ZBTB7C: variants seen among roughly 807,000 people sequenced by gnomAD.
ZBTB7C encodes the protein zinc finger and BTB domain-containing protein 7C.
Under a neutral mutation model 25.7 loss-of-function variants are expected in ZBTB7C, and 8 were observed. The observed-to-expected ratio is 0.31, with a 90% CI of 0.18 to 0.56. ZBTB7C has a LOEUF of 0.56. ZBTB7C is among the 20% of genes least tolerant of loss of function. The pLI is 0.91. For synonymous variants in ZBTB7C, 394 were observed against 369.0 expected (o/e 1.07, Z -0.78); for missense variants, 824 against 855.2 (o/e 0.96, Z 0.46).
chr18:48,061,215 G>T (rs991910527), intron 3 of ZBTB7C, among the ~76,000 whole-genome samples: 1 of 152,158 alleles, frequency 6.6e-6, no homozygotes, highest in Non-Finnish European at 1.5e-5. Flanking sequence ...ACAGAGAAAA[G>T]GGTCATGAGG....
chr18:48,221,119 G>T (rs1298343939), intron 2 of ZBTB7C, among the ~76,000 whole-genome samples: 1 of 145,624 alleles, frequency 6.9e-6, no homozygotes, highest in Non-Finnish European at 1.5e-5. Context: ...TACTGCCCTT[G>T]TCTCCTCTAT....
At chr18:48,276,750 G>A (rs377557743) in intron 2 of ZBTB7C, among the ~76,000 whole-genome samples, 6,329 of 81,036 alleles carry the variant, frequency 0.078, 294 homozygotes, top group South Asian at 0.14. Flanking sequence ...GAATAATGCC[G>A]CAATAAACAT....
At chr18:48,116,896 T>G (rs865985780) in intron 3 of ZBTB7C, among the ~76,000 whole-genome samples, 3 of 152,194 alleles carry the variant, frequency 2.0e-5, no homozygotes, top group Non-Finnish European at 4.4e-5. Flanking sequence ...AGGTCTGCCC[T>G]GTGCATAAGG....
chr18:48,170,837 C>G (rs1275249264), intron 3 of ZBTB7C, among the ~76,000 whole-genome samples: 1 of 152,128 alleles, frequency 6.6e-6, no homozygotes, highest in Non-Finnish European at 1.5e-5. Flanking sequence ...CCGAGAACCC[C>G]CCGCCCCTGT....
intron 2 of ZBTB7C, among the ~76,000 whole-genome samples, chr18:48,213,126 C>A (rs1373247395): frequency 6.6e-6 from 1 of 152,226 alleles, no homozygotes; most frequent in African/African-American, 2.4e-5. Context: ...GTGGGAGCAG[C>A]CAGGGCACAG....
At chr18:48,255,274 A>G (rs1207502992) in intron 2 of ZBTB7C, among the ~76,000 whole-genome samples, 1 of 152,268 alleles carries the variant, frequency 6.6e-6, no homozygotes, top group African/African-American at 2.4e-5. Context: ...GCAGAGAAAG[A>G]CAATGAAAAA....
chr18:48,216,046 T>A (rs1451875694), intron 2 of ZBTB7C, among the ~76,000 whole-genome samples: 1 of 152,194 alleles, frequency 6.6e-6, no homozygotes, highest in Non-Finnish European at 1.5e-5. Context: ...GAGAGTATAA[T>A]AAGGCGTGTC....
At chr18:48,068,080 T>C (rs1290875587) in intron 3 of ZBTB7C, among the ~76,000 whole-genome samples, 1 of 152,080 alleles carries the variant, frequency 6.6e-6, no homozygotes, top group Non-Finnish European at 1.5e-5. Context: ...TGGAGAACTC[T>C]GACTAATACG....
At chr18:48,031,891 C>T (rs563612080) in intron 4 of ZBTB7C, among the ~76,000 whole-genome samples, 10 of 152,276 alleles carry the variant, frequency 6.6e-5, no homozygotes, top group Admixed American at 2.6e-4. Context: ...ATGGAAGTGT[C>T]GGGTGCCTGT....
chr18:48,327,974 C>T (rs1057323309), intron 2 of ZBTB7C, among the ~76,000 whole-genome samples: 14 of 151,772 alleles, frequency 9.2e-5, no homozygotes, highest in Non-Finnish European at 1.3e-4. Flanking sequence ...TTTGGGAGGC[C>T]GAGGCGGGCG....
intron 2 of ZBTB7C, among the ~76,000 whole-genome samples, chr18:48,278,867 G>T (rs2044747112): frequency 1.3e-5 from 2 of 151,990 alleles, no homozygotes; most frequent in African/African-American, 4.8e-5. Context: ...CTCCTCACAG[G>T]CTGTCCCCTC....
chr18:48,363,701 A>G (rs983641397), intron 1 of ZBTB7C, among the ~76,000 whole-genome samples: 1 of 152,116 alleles, frequency 6.6e-6, no homozygotes, highest in African/African-American at 2.4e-5. Context: ...GAGGTTAGGG[A>G]CAGCGTGGCC....
chr18:48,391,055 T>A (rs2145259666), intron 1 of ZBTB7C, among the ~76,000 whole-genome samples: 1 of 152,302 alleles, frequency 6.6e-6, no homozygotes. Flanking sequence ...GCTTAAAACC[T>A]CCAAGTTTCC....
chr18:48,158,558 C>T (rs944991294), intron 3 of ZBTB7C, among the ~76,000 whole-genome samples: 6 of 152,020 alleles, frequency 3.9e-5, no homozygotes. Flanking sequence ...CTTTTTGGCT[C>T]TCATCTGTGA....
chr18:48,246,223 C>T (rs754500129), intron 2 of ZBTB7C, among the ~76,000 whole-genome samples: 39 of 152,022 alleles, frequency 2.6e-4, no homozygotes, highest in Non-Finnish European at 4.7e-4. Flanking sequence ...GAGGCTGAGG[C>T]GGGTGGATCA....
At chr18:48,326,946 G>A (rs2046234299) in intron 2 of ZBTB7C, among the ~76,000 whole-genome samples, 1 of 152,188 alleles carries the variant, frequency 6.6e-6, no homozygotes, top group Non-Finnish European at 1.5e-5. Flanking sequence ...ACAAAGTCCT[G>A]CAGGTGCAAG....
chr18:48,280,690 C>T (rs186819642), intron 2 of ZBTB7C, among the ~76,000 whole-genome samples: 8 of 152,198 alleles, frequency 5.3e-5, no homozygotes, highest in African/African-American at 1.9e-4. Flanking sequence ...TGGTTACACA[C>T]CTACGGAGCC....
At chr18:48,351,245 C>G (rs946972048) in intron 1 of ZBTB7C, among the ~76,000 whole-genome samples, 2 of 152,096 alleles carry the variant, frequency 1.3e-5, no homozygotes, top group African/African-American at 4.8e-5. Context: ...CTGCTGCCCC[C>G]GTGTTTATTC....
intron 2 of ZBTB7C, 117 bp from the exon 3 acceptor site, chr18:48,186,112 A>G (rs1055571940): frequency 4.0e-5 from 6 of 151,446 alleles, no homozygotes; most frequent in African/African-American, 1.5e-4. Context: ...TCCCAGCAGC[A>G]CTCTCCCCTC....
Sources: allele counts gnomAD v4.1 joint callset (sites outside exome capture counted in the v4.1 genomes callset), GRCh38; gene constraint gnomAD v4.1.1; transcripts MANE v1.5; gene names NCBI Gene and HGNC (gene_info 2026-07-23, HGNC 2026-07-21).